Variants in OPN3 observed in about 807,000 individuals in gnomAD.
OPN3 encodes opsin 3.
Under a neutral mutation model 33.8 loss-of-function variants are expected in OPN3, and 29 were observed. The ratio of observed to expected loss-of-function variants is 0.86; its 90% CI spans 0.64 to 1.17. The LOEUF (loss-of-function observed/expected upper bound fraction) is 1.17, where lower values mean the gene tolerates loss of function less well. Among genes scored for constraint, OPN3 ranks in the 50% most tolerant of loss-of-function variants. OPN3 has a pLI of 0.00. For missense variants in OPN3, 437 were observed against 514.1 expected (o/e 0.85, Z 1.45); for synonymous variants, 216 against 216.1 (o/e 1.00, Z 0.00).
chr1:241,608,447 G>A (rs1223673497), intron 1 of OPN3, among the ~76,000 whole-genome samples: 1 of 152,218 alleles, frequency 6.6e-6, no homozygotes, highest in Admixed American at 6.5e-5. Context: ...GTGGGTAAGA[G>A]AGACAATAAA....
chr1:241,618,407 A>G (rs1383193046), intron 1 of OPN3, among the ~76,000 whole-genome samples: 1 of 152,228 alleles, frequency 6.6e-6, no homozygotes, highest in African/African-American at 2.4e-5. Context: ...CAAAGTTACC[A>G]CTGATGATCC....
At chr1:241,635,083 C>A (rs1429694552) in intron 1 of OPN3, 3 of 1,612,792 alleles carry the variant, frequency 1.9e-6, no homozygotes, top group Non-Finnish European at 2.5e-6. Flanking sequence ...CAATATTAAA[C>A]CTCCTGCCTT....
rs1425102867 is a variant in OPN3, at chr1:241,593,621, C to A, written c.*807G>T. ...GACAGATTGACAAGAGAAAAACAAA[C>A]ATAAATTTATTAGCGGGTATATGTA... On this transcript the variant is annotated 3_prime_UTR_variant, in exon 4 of 4. Coordinates refer to ENST00000366554, the MANE Select transcript of OPN3 (RefSeq NM_014322.3). 1 of 219,874 alleles carries A rather than the reference C, an allele frequency of 4.5e-6. No homozygotes were observed. The highest frequency in any genetic ancestry group is 9.9e-6 in the Non-Finnish European group (1 of 101,376). The allele number at this position is 219,874 out of a possible 1,614,324, so 13.6% of individuals were successfully genotyped here. A position where few individuals can be genotyped will look rare whatever the true frequency, so the allele number is the denominator to read the frequency against.
rs1663770602 is a variant in OPN3, at chr1:241,604,515, G to A, written c.438C>T (p.Ala146=). 2 of 1,614,080 alleles carry A rather than the reference G, an allele frequency of 1.2e-6. No homozygotes were observed. Among genetic ancestry groups the A allele is most frequent in the African/African-American group, 1.3e-5 (1 of 75,014 alleles). Residue 146 remains alanine (A), a synonymous_variant, in exon 2 of 4, where the codon GCC becomes GCT. Coordinates refer to ENST00000366554, the MANE Select transcript of OPN3 (RefSeq NM_014322.3). The part of the protein sequence containing the change: ...AYERYIRVVH[A]RVINFSWAWR... ...AGGCCCAGGAAAAATTGATCACTCTGGCATGGACCACGCGAATGTAACGTT... is the reference window on the plus strand; with the variant it reads ...AGGCCCAGGAAAAATTGATCACTCTAGCATGGACCACGCGAATGTAACGTT...
intron 1 of OPN3, among the ~76,000 whole-genome samples, chr1:241,612,884 T>C (rs908792960): frequency 6.6e-6 from 1 of 152,110 alleles, no homozygotes; most frequent in African/African-American, 2.4e-5. Flanking sequence ...CTCCTCATGG[T>C]CCCCTTAAAA....
chr1:241,631,858 T>C (rs1172940865), intron 1 of OPN3: 1 of 152,124 alleles, frequency 6.6e-6, no homozygotes, highest in African/African-American at 2.4e-5. Flanking sequence ...ACTTTCTCTT[T>C]CTCCTGCAGC....
intron 1 of OPN3, among the ~76,000 whole-genome samples, chr1:241,612,627 C>T (rs772550465): frequency 2.0e-5 from 3 of 152,174 alleles, no homozygotes; most frequent in Admixed American, 2.0e-4. Context: ...CCCAGAATCA[C>T]GTAGACCCTG....
chr1:241,625,843 T>A (rs1349869364), intron 1 of OPN3, among the ~76,000 whole-genome samples: 5 of 152,192 alleles, frequency 3.3e-5, no homozygotes, highest in Non-Finnish European at 7.3e-5. Context: ...TATTTGGGGC[T>A]GGATAATTCT....
intron 1 of OPN3, among the ~76,000 whole-genome samples, chr1:241,607,028 A>C (rs644686): frequency 0.051 from 7,816 of 152,266 alleles, 531 homozygotes; most frequent in East Asian, 0.3. Context: ...TAACATAGTT[A>C]ATATTCATTT....
At chr1:241,610,094 T>C (rs1444926616) in intron 1 of OPN3, among the ~76,000 whole-genome samples, 1 of 152,246 alleles carries the variant, frequency 6.6e-6, no homozygotes, top group Non-Finnish European at 1.5e-5. Context: ...CCAGCGGTTT[T>C]GAAGACAGCG....
chr1:241,634,215 C>A (rs1343789889), intron 1 of OPN3: 2 of 1,613,818 alleles, frequency 1.2e-6, no homozygotes, highest in Non-Finnish European at 1.7e-6. Flanking sequence ...TCTTCTCTTG[C>A]TGTTTTAGAA....
intron 1 of OPN3, chr1:241,614,126 C>A (rs1317795242): frequency 6.6e-6 from 1 of 152,118 alleles, no homozygotes; most frequent in African/African-American, 2.4e-5. Flanking sequence ...CGAGATCATG[C>A]CAATGCACTC....
chr1:241,634,767 T>C, intron 1 of OPN3: 1 of 1,613,988 alleles, frequency 6.2e-7, no homozygotes, highest in Non-Finnish European at 8.5e-7. Flanking sequence ...TGTTGAAGGT[T>C]GGGAGTTAGT....
intron 2 of OPN3, among the ~76,000 whole-genome samples, chr1:241,599,647 C>T (rs1029639649): frequency 3.3e-5 from 5 of 151,820 alleles, no homozygotes; most frequent in Admixed American, 6.6e-5. Context: ...GGGGAGCTTC[C>T]CTAGTTTATA....
chr1:241,620,094 G>A (rs139686793), intron 1 of OPN3, among the ~76,000 whole-genome samples: 1 of 151,762 alleles, frequency 6.6e-6, no homozygotes, highest in African/African-American at 2.4e-5. Flanking sequence ...ACAGGGTGGG[G>A]CAGGGTTGGG....
intron 1 of OPN3, among the ~76,000 whole-genome samples, chr1:241,627,380 A>G (rs1664451199): frequency 6.6e-6 from 1 of 152,214 alleles, no homozygotes; most frequent in Non-Finnish European, 1.5e-5. Context: ...AAGCAAAGCG[A>G]AACAGTAGCA....
chr1:241,598,473 C>A (rs1438795564), intron 2 of OPN3, among the ~76,000 whole-genome samples: 1 of 152,162 alleles, frequency 6.6e-6, no homozygotes, highest in Non-Finnish European at 1.5e-5. Flanking sequence ...TTGATGAGCA[C>A]TTAATTCCCA....
At chr1:241,621,704 T>C (rs575672680) in intron 1 of OPN3, among the ~76,000 whole-genome samples, 5 of 152,134 alleles carry the variant, frequency 3.3e-5, no homozygotes, top group Middle Eastern at 3.4e-3. Context: ...GTTGAAGTTA[T>C]AGGGGAGTGT....
intron 1 of OPN3, among the ~76,000 whole-genome samples, chr1:241,616,258 CG>C (rs748485779): frequency 7.2e-5 from 11 of 152,040 alleles, no homozygotes; most frequent in Non-Finnish European, 1.2e-4. Context: ...GCTTTATATG[CG>C]GGGAACGTGT....
Sources: gnomAD v4.1 joint callset for allele counts (sites outside exome capture counted in the v4.1 genomes callset) on GRCh38, gnomAD v4.1.1 for gene constraint, MANE v1.5 for transcripts, NCBI Gene and HGNC (gene_info 2026-07-23, HGNC 2026-07-21) for gene names.